NEK7: variants seen among roughly 807,000 people sequenced by gnomAD.
NEK7 encodes the protein NIMA related kinase 7.
Under a neutral mutation model 44.6 loss-of-function variants are expected in NEK7, and 18 were observed. The ratio of observed to expected loss-of-function variants is 0.40; its 90% CI spans 0.28 to 0.60. NEK7 has a LOEUF of 0.60. Ranked by LOEUF, NEK7 falls within the 20% of genes least tolerant of loss-of-function variation. NEK7 has a pLI of 0.38. For synonymous variants in NEK7, 130 were observed against 121.1 expected (o/e 1.07, Z -0.48); for missense variants, 256 against 366.5 (o/e 0.70, Z 2.46).
chr1:198,312,608 A>T (rs372622349), intron 9 of NEK7, among the ~76,000 whole-genome samples: 1 of 150,694 alleles, frequency 6.6e-6, no homozygotes, highest in Non-Finnish European at 1.5e-5. Context: ...ACACTGCTTT[A>T]AATGAGTCCC....
At chr1:198,158,681 T>C (rs1235774559) in intron 1 of NEK7, among the ~76,000 whole-genome samples, 2 of 152,198 alleles carry the variant, frequency 1.3e-5, no homozygotes, top group Admixed American at 1.3e-4. Flanking sequence ...GCAACTCTTG[T>C]TGAATGGCCG....
intron 1 of NEK7, among the ~76,000 whole-genome samples, chr1:198,227,266 CATT>C (rs1422190923): frequency 6.6e-6 from 1 of 152,164 alleles, no homozygotes; most frequent in Non-Finnish European, 1.5e-5. Context: ...TCCAGTCTAT[CATT>C]GTTGGGCATT....
chr1:198,171,099 A>G (rs1664425521), intron 1 of NEK7, among the ~76,000 whole-genome samples: 1 of 152,050 alleles, frequency 6.6e-6, no homozygotes, highest in African/African-American at 2.4e-5. Flanking sequence ...GGTTTATGAG[A>G]TATATGAAGG....
At chr1:198,301,768 C>T (rs900041567) in intron 9 of NEK7, among the ~76,000 whole-genome samples, 11 of 152,196 alleles carry the variant, frequency 7.2e-5, no homozygotes, top group Non-Finnish European at 1.5e-4. Flanking sequence ...GAAATTTAAG[C>T]ATTTATCAAA....
chr1:198,295,442 T>A (rs1654685979), intron 8 of NEK7, among the ~76,000 whole-genome samples: 1 of 152,004 alleles, frequency 6.6e-6, no homozygotes, highest in Non-Finnish European at 1.5e-5. Context: ...CCTGAAAAAT[T>A]CAGCTGCTGG....
intron 9 of NEK7, among the ~76,000 whole-genome samples, chr1:198,310,367 T>C (rs529936454): frequency 1.3e-5 from 2 of 152,026 alleles, no homozygotes; most frequent in South Asian, 4.2e-4. Context: ...GAGTAGGTTG[T>C]GAAAATTTTC....
At chr1:198,160,761 GTATAA>G (rs990256124) in intron 1 of NEK7, among the ~76,000 whole-genome samples, 6 of 152,116 alleles carry the variant, frequency 3.9e-5, no homozygotes, top group Non-Finnish European at 7.4e-5. Flanking sequence ...ATATGCATTT[GTATAA>G]TATAATGGCA....
chr1:198,291,167 T>G (rs1164736954), intron 7 of NEK7, among the ~76,000 whole-genome samples: 1 of 152,160 alleles, frequency 6.6e-6, no homozygotes, highest in African/African-American at 2.4e-5. Context: ...TACCTTTGCT[T>G]TTGGTAAACT....
At chr1:198,297,840 A>G (rs899312811) in intron 9 of NEK7, among the ~76,000 whole-genome samples, 2 of 152,184 alleles carry the variant, frequency 1.3e-5, no homozygotes, top group Non-Finnish European at 2.9e-5. Flanking sequence ...GACATGTTTA[A>G]AAAGTGTGTT....
chr1:198,164,006 G>A (rs773039647), intron 1 of NEK7, among the ~76,000 whole-genome samples: 8 of 152,074 alleles, frequency 5.3e-5, no homozygotes, highest in South Asian at 4.1e-4. Flanking sequence ...TTTGGAGGCC[G>A]AGGCTGAGCA....
chr1:198,204,289 T>G (rs1240721727), intron 1 of NEK7, among the ~76,000 whole-genome samples: 1 of 151,908 alleles, frequency 6.6e-6, no homozygotes, highest in Admixed American at 6.6e-5. Context: ...AAAAAATAAA[T>G]ATGAGAGCAA....
rs1004553100 is a variant in NEK7, at chr1:198,197,998, C to A, written c.-28-34555C>A. 3.4e-6 allele frequency: 5 copies of A among 1,461,086 alleles called. No homozygotes were observed. The African/African-American group carries it at 4.8e-5, about 14-fold the overall frequency. The allele number at this position is 1,461,086 out of a possible 1,614,324, so 90.5% of individuals were successfully genotyped here. On this transcript the variant is annotated intron_variant, in intron 1 of 9. Transcript: ENST00000367385. ...ACCCGAGGATTGGCATCCTGGATAC[C>A]CTGGCTGTGGCACAGGATGAGGGGG...
At chr1:198,232,089 G>T (rs1430333791) in intron 1 of NEK7, among the ~76,000 whole-genome samples, 2 of 152,042 alleles carry the variant, frequency 1.3e-5, no homozygotes, top group African/African-American at 2.4e-5. Context: ...CTCATATGAC[G>T]ACTGGCCTTT....
intron 2 of NEK7, among the ~76,000 whole-genome samples, chr1:198,250,114 C>T (rs1652879747): frequency 6.7e-6 from 1 of 149,602 alleles, no homozygotes; most frequent in African/African-American, 2.5e-5. Context: ...CCAGTTTTCC[C>T]AGCACCGTTT....
chr1:198,178,013 A>T (rs1020245293), intron 1 of NEK7, among the ~76,000 whole-genome samples: 1 of 149,216 alleles, frequency 6.7e-6, no homozygotes. Context: ...ACAGTATATT[A>T]AATTTCCCTT....
At chr1:198,227,146 G>T (rs1397877488) in intron 1 of NEK7, among the ~76,000 whole-genome samples, 7 of 152,052 alleles carry the variant, frequency 4.6e-5, no homozygotes, top group Non-Finnish European at 1.5e-5. Context: ...GCGATAGTTT[G>T]CTGAGAATGA....
At chr1:198,291,199 T>C (rs981931048) in intron 7 of NEK7, among the ~76,000 whole-genome samples, 1 of 152,196 alleles carries the variant, frequency 6.6e-6, no homozygotes, top group Non-Finnish European at 1.5e-5. Flanking sequence ...AGCCTCAGTG[T>C]TTTCAGTTGC....
chr1:198,230,899 A>T (rs1045515484), intron 1 of NEK7, among the ~76,000 whole-genome samples: 2 of 152,034 alleles, frequency 1.3e-5, no homozygotes, highest in African/African-American at 4.8e-5. Flanking sequence ...ACTGGAAGCC[A>T]TTATTGAAAG....
At position 198,253,050 on chromosome 1, in the gene NEK7, G is replaced by A. The variant is rs1013083415; in HGVS notation, c.68G>A (p.Arg23Gln). 16 of 1,604,906 alleles carry A rather than the reference G, an allele frequency of 1.0e-5. No homozygotes were observed. Among genetic ancestry groups the A allele is most frequent in the Middle Eastern group, 1.7e-4 (1 of 6,036 alleles). The part of the protein sequence containing the change: ...VPQFQPQKAL[R>Q]PDMGYNTLAN... The stretch of plus-strand genomic sequence containing the variant: ...CATTTTTAATTACAGAAGGCCTTAC[G>A]ACCGGATATGGGCTATAATACATTA... The change falls in exon 3 of 10, where the codon CGA becomes CAA. Residue 23 changes from arginine to glutamine, a missense_variant. Coordinates refer to ENST00000367385, the MANE Select transcript of NEK7 (RefSeq NM_133494.3).
Sources: gnomAD v4.1 joint callset for allele counts (sites outside exome capture counted in the v4.1 genomes callset) on GRCh38, gnomAD v4.1.1 for gene constraint, MANE v1.5 for transcripts, NCBI Gene and HGNC (gene_info 2026-07-23, HGNC 2026-07-21) for gene names.